The following CDH18 variants were observed in gnomAD, a reference collection of about 807,000 sequenced individuals.
CDH18 encodes the protein cadherin-18.
In CDH18, 31 loss-of-function variants were observed where a neutral mutation model predicts 67.9. The observed-to-expected ratio is 0.46, with a 90% CI of 0.34 to 0.62. CDH18 has a LOEUF of 0.62. Among genes scored for constraint, CDH18 ranks in the 20% least tolerant of loss-of-function variants. The pLI is 0.01. For synonymous variants in CDH18, 362 were observed against 347.2 expected (o/e 1.04, Z -0.48); for missense variants, 890 against 975.5 (o/e 0.91, Z 1.17).
At chr5:20,453,726 C>T (rs1361538710) in intron 1 of CDH18, among the ~76,000 whole-genome samples, 1 of 151,856 alleles carries the variant, frequency 6.6e-6, no homozygotes, top group Non-Finnish European at 1.5e-5. Context: ...GATGAGTTTA[C>T]CAGCGTGGAA....
intron 2 of CDH18, among the ~76,000 whole-genome samples, chr5:19,938,120 T>C (rs1219255811): frequency 6.7e-6 from 1 of 150,108 alleles, no homozygotes; most frequent in Admixed American, 6.7e-5. Context: ...TAACTGAATT[T>C]AGAGATTTAG....
At chr5:19,612,383 T>G in intron 6 of CDH18, 51 bp downstream of exon 6, 1 of 1,562,764 alleles carries the variant, frequency 6.4e-7, no homozygotes, top group Non-Finnish European at 8.8e-7. Context: ...TTCATTTTAC[T>G]TTACATAAAG....
At chr5:20,357,857 G>A (rs1045118727) in intron 1 of CDH18, among the ~76,000 whole-genome samples, 7 of 152,066 alleles carry the variant, frequency 4.6e-5, no homozygotes, top group Admixed American at 2.6e-4. Flanking sequence ...CATGCTCACT[G>A]CAGCACTATT....
At chr5:19,719,807 A>G (rs1270639182) in intron 5 of CDH18, among the ~76,000 whole-genome samples, 1 of 151,796 alleles carries the variant, frequency 6.6e-6, no homozygotes, top group Non-Finnish European at 1.5e-5. Flanking sequence ...CTTCATTTCT[A>G]TATCTATATA....
In CDH18 at chr5:19,697,331, T is replaced by C. The variant is rs184965821; in HGVS notation, c.643+24016A>G. On this transcript the variant is annotated intron_variant, in intron 5 of 12. Coordinates refer to ENST00000382275, the MANE Select transcript of CDH18 (RefSeq NM_004934.5). Reference sequence around the variant, plus strand: ...TAGCTATACATCAATCTCAGTTGCATATTTAATATAGCTCATATAAATAGA... The same window carrying C: ...TAGCTATACATCAATCTCAGTTGCACATTTAATATAGCTCATATAAATAGA... Among the ~76,000 whole-genome samples, 18 of 152,322 alleles carry C rather than the reference T, an allele frequency of 1.2e-4. No homozygotes were observed. In the East Asian group the frequency reaches 3.3e-3, roughly 28 times the overall value.
intron 2 of CDH18, among the ~76,000 whole-genome samples, chr5:20,118,158 AAT>A (rs1561804804): frequency 6.6e-6 from 1 of 152,338 alleles, no homozygotes. Context: ...TTACATTAAA[AAT>A]AGAGTTATAG....
At chr5:19,925,165 C>G (rs939937499) in intron 2 of CDH18, among the ~76,000 whole-genome samples, 1 of 152,108 alleles carries the variant, frequency 6.6e-6, no homozygotes, top group Non-Finnish European at 1.5e-5. Context: ...CTGCATTTAT[C>G]GATAAGGTAA....
At chr5:20,067,207 ACAGGATCCTGGAAG>A (rs1346494877) in intron 2 of CDH18, among the ~76,000 whole-genome samples, 1 of 151,670 alleles carries the variant, frequency 6.6e-6, no homozygotes, top group African/African-American at 2.4e-5. Flanking sequence ...TGGTATCTCT[ACAGGATCCTGGAAG>A]CAAACCACTG....
chr5:20,137,992 C>G (rs1487890541), intron 2 of CDH18, among the ~76,000 whole-genome samples: 4 of 152,030 alleles, frequency 2.6e-5, no homozygotes, highest in Non-Finnish European at 5.9e-5. Flanking sequence ...GATACCAAAG[C>G]CTTGCAGAGA....
intron 3 of CDH18, among the ~76,000 whole-genome samples, chr5:19,750,534 T>G (rs372808226): frequency 6.6e-6 from 1 of 152,186 alleles, no homozygotes; most frequent in African/African-American, 2.4e-5. Flanking sequence ...ATGTCATCTC[T>G]GAGTGGGGTC....
chr5:19,817,447 C>CA (rs772491323), intron 3 of CDH18, among the ~76,000 whole-genome samples: 36 of 151,684 alleles, frequency 2.4e-4, no homozygotes, highest in Admixed American at 7.9e-4. Context: ...CATGTAATAG[C>CA]AAAAAAGTAA....
intron 2 of CDH18, among the ~76,000 whole-genome samples, chr5:20,167,627 A>T (rs947186723): frequency 2.6e-5 from 4 of 152,170 alleles, no homozygotes; most frequent in Non-Finnish European, 4.4e-5. Context: ...AGTTGGAATC[A>T]TTAGAAGAGA....
chr5:20,490,359 T>G (rs992438547), intron 1 of CDH18, among the ~76,000 whole-genome samples: 21 of 152,074 alleles, frequency 1.4e-4, no homozygotes, highest in African/African-American at 5.1e-4. Flanking sequence ...ACTTTCTAGA[T>G]AATAGAATGA....
At chr5:20,172,228 ATATATATATATG>A (rs1736865536) in intron 2 of CDH18, among the ~76,000 whole-genome samples, 1 of 110,744 alleles carries the variant, frequency 9.0e-6, no homozygotes, top group African/African-American at 3.8e-5. Flanking sequence ...ATATATGTAT[ATATATATATATG>A]TATATATATA....
chr5:19,630,400 T>G (rs568835989), intron 5 of CDH18, among the ~76,000 whole-genome samples: 1 of 152,322 alleles, frequency 6.6e-6, no homozygotes, highest in Admixed American at 6.5e-5. Context: ...TTTGCTATGG[T>G]AGCTTTGTAT....
chr5:19,851,080 G>A (rs1783631280), intron 2 of CDH18, among the ~76,000 whole-genome samples: 2 of 151,694 alleles, frequency 1.3e-5, no homozygotes, highest in African/African-American at 4.8e-5. Flanking sequence ...GTAATAATAA[G>A]ACTCACAAAA....
intron 2 of CDH18, among the ~76,000 whole-genome samples, chr5:20,195,778 G>C (rs1207147044): frequency 3.3e-5 from 5 of 151,884 alleles, no homozygotes. Context: ...ATTCTCAAGG[G>C]ATTTGTATAC....
At chr5:20,403,271 A>T (rs1479012791) in intron 1 of CDH18, among the ~76,000 whole-genome samples, 2 of 151,040 alleles carry the variant, frequency 1.3e-5, no homozygotes, top group African/African-American at 2.4e-5. Context: ...TATAGCCTTA[A>T]TTTTTTTTTT....
intron 2 of CDH18, among the ~76,000 whole-genome samples, chr5:20,193,582 C>G (rs1353807674): frequency 6.6e-6 from 1 of 152,018 alleles, no homozygotes; most frequent in Non-Finnish European, 1.5e-5. Flanking sequence ...AGACTTCCTA[C>G]TCCCCAATTC....
Sources: allele counts gnomAD v4.1 joint callset (sites outside exome capture counted in the v4.1 genomes callset), GRCh38; gene constraint gnomAD v4.1.1; transcripts MANE v1.5; gene names NCBI Gene and HGNC (gene_info 2026-07-23, HGNC 2026-07-21).